Variants in PRKG1 observed in about 807,000 individuals in gnomAD.
PRKG1 encodes the protein cGMP-dependent protein kinase 1.
PRKG1 carries 35 observed loss-of-function variants against 88.1 expected under a neutral mutation model. That is an observed-to-expected ratio of 0.40 (90% confidence interval 0.30 to 0.53). The LOEUF (loss-of-function observed/expected upper bound fraction) is 0.53, where lower values mean the gene tolerates loss of function less well. PRKG1 is among the 20% of genes least tolerant of loss of function. The probability of loss-of-function intolerance (pLI) is 0.59; values close to 1 mark genes in which losing one functional copy is unlikely to be tolerated. For synonymous variants in PRKG1, 303 were observed against 292.5 expected (o/e 1.04, Z -0.37); for missense variants, 540 against 839.8 (o/e 0.64, Z 4.41).
At chr10:52,173,181 T>C (rs1838758020) in intron 9 of PRKG1, among the ~76,000 whole-genome samples, 1 of 152,220 alleles carries the variant, frequency 6.6e-6, no homozygotes, top group South Asian at 2.1e-4. Context: ...TTAAGTTATA[T>C]GTCCTCATAA....
intron 1 of PRKG1, among the ~76,000 whole-genome samples, chr10:51,147,669 ATAT>A (rs1210632950): frequency 3.3e-5 from 5 of 152,204 alleles, no homozygotes; most frequent in Non-Finnish European, 5.9e-5. Context: ...TAAAAGATAA[ATAT>A]TATTGTTCAC....
chr10:51,824,496 T>C (rs1324630650), intron 4 of PRKG1, among the ~76,000 whole-genome samples: 1 of 152,206 alleles, frequency 6.6e-6, no homozygotes, highest in Non-Finnish European at 1.5e-5. Context: ...AGTGGATTAA[T>C]GTCTAACACA....
chr10:52,108,645 T>TA (rs1847480627), intron 7 of PRKG1, among the ~76,000 whole-genome samples: 2 of 152,154 alleles, frequency 1.3e-5, no homozygotes, highest in Admixed American at 6.5e-5. Context: ...TTATTCTAAG[T>TA]AAAAAATCCT....
chr10:51,984,145 A>G (rs537967876), intron 5 of PRKG1, among the ~76,000 whole-genome samples: 3 of 152,208 alleles, frequency 2.0e-5, no homozygotes, highest in Non-Finnish European at 2.9e-5. Flanking sequence ...GAACCTAAAG[A>G]AAGAAAACTT....
At chr10:51,298,760 AG>A (rs1840791049) in intron 2 of PRKG1, among the ~76,000 whole-genome samples, 1 of 152,220 alleles carries the variant, frequency 6.6e-6, no homozygotes, top group South Asian at 2.1e-4. Context: ...GTGGGCTGAG[AG>A]TAAAATAAAT....
At chr10:52,057,162 G>A (rs1429543202) in intron 6 of PRKG1, among the ~76,000 whole-genome samples, 1 of 152,160 alleles carries the variant, frequency 6.6e-6, no homozygotes, top group Non-Finnish European at 1.5e-5. Context: ...CACAATAGGG[G>A]CTGCCAAGCT....
At chr10:52,267,574 T>C (rs1051088232) in intron 10 of PRKG1, among the ~76,000 whole-genome samples, 1 of 152,008 alleles carries the variant, frequency 6.6e-6, no homozygotes, top group Non-Finnish European at 1.5e-5. Flanking sequence ...GGAAAAATCA[T>C]TGTTAACGTA....
intron 4 of PRKG1, among the ~76,000 whole-genome samples, chr10:51,814,476 T>C (rs537427947): frequency 1.3e-5 from 2 of 152,298 alleles, no homozygotes; most frequent in South Asian, 2.1e-4. Context: ...ATGACAGACC[T>C]ATTGAGCTCT....
Position 51,697,013 on chromosome 10 carries a change from T to C in PRKG1, c.593-107572T>C, listed in dbSNP as rs533070489. The C allele has an allele frequency of 2.7e-3, 412 of 152,174 alleles. 2 individuals are homozygous for C. Among genetic ancestry groups the C allele is most frequent in the Non-Finnish European group, 4.3e-3 (292 of 68,026 alleles). 9.4% of individuals were successfully genotyped at this position (152,174 alleles called of 1,614,324 possible). ...CAGCAAAATCATCATGCTCAGATGC[T>C]TGGGGCCTGGCAGAACCTTGCTGGT... On this transcript the variant is annotated intron_variant, in intron 3 of 17. Transcript: ENST00000373980.
rs1564579518 is a variant in PRKG1, at chr10:51,627,923, TTC to T, written c.592+160088_592+160089del. 2.8e-3 allele frequency among the ~76,000 whole-genome samples: 107 copies of T among 38,132 alleles called. 1 individual carries two copies. Among genetic ancestry groups the T allele is most frequent in the African/African-American group, 5.5e-3 (97 of 17,540 alleles). 25.0% of individuals were successfully genotyped at this position (38,132 alleles called of 152,430 possible). A position where few individuals can be genotyped will look rare whatever the true frequency, so the allele number is the denominator to read the frequency against. The stretch of plus-strand genomic sequence containing the variant: ...CCTTCCCTTCCTTCCCTTCCTTCCC[TTC>T]CTTTCTTCCTTCCTTCCTTTCTTTC... On this transcript the variant is annotated intron_variant, in intron 3 of 17. Coordinates refer to ENST00000373980, the MANE Select transcript of PRKG1 (RefSeq NM_006258.4).
At chr10:51,859,128 G>T (rs1840800002) in intron 4 of PRKG1, among the ~76,000 whole-genome samples, 1 of 152,116 alleles carries the variant, frequency 6.6e-6, no homozygotes, top group South Asian at 2.1e-4. Context: ...AATGACCTAG[G>T]GTTGGTTTAA....
chr10:51,373,471 G>A (rs543545938), intron 2 of PRKG1, among the ~76,000 whole-genome samples: 186 of 152,178 alleles, frequency 1.2e-3, no homozygotes, highest in African/African-American at 4.1e-3. Context: ...GTACATGTGC[G>A]GGATGTGCAG....
chr10:51,802,537 T>A (rs1417275419), intron 3 of PRKG1, among the ~76,000 whole-genome samples: 1 of 152,162 alleles, frequency 6.6e-6, no homozygotes, highest in East Asian at 1.9e-4. Context: ...AATTATTTTG[T>A]GGGTTTTTGC....
intron 1 of PRKG1, among the ~76,000 whole-genome samples, chr10:51,079,846 G>A (rs765828893): frequency 1.3e-5 from 2 of 152,170 alleles, no homozygotes; most frequent in Admixed American, 6.5e-5. Context: ...GAAGCAAACA[G>A]CAGATGATTA....
intron 7 of PRKG1, among the ~76,000 whole-genome samples, chr10:52,103,774 G>C (rs72803136): frequency 0.016 from 2,387 of 151,850 alleles, 26 homozygotes; most frequent in Non-Finnish European, 0.025. Flanking sequence ...TTTTAATTAA[G>C]GAAGACTAAA....
chr10:52,078,673 T>G (rs2133299734), intron 7 of PRKG1, among the ~76,000 whole-genome samples: 1 of 152,368 alleles, frequency 6.6e-6, no homozygotes, highest in Admixed American at 6.5e-5. Flanking sequence ...CTGGATAAAT[T>G]ATTCTGTCAC....
chr10:51,572,548 G>A (rs1837783757), intron 3 of PRKG1, among the ~76,000 whole-genome samples: 1 of 151,806 alleles, frequency 6.6e-6, no homozygotes, highest in Non-Finnish European at 1.5e-5. Flanking sequence ...GCCACACAAT[G>A]GATTAATTCA....
chr10:51,747,285 G>T (rs1837605902), intron 3 of PRKG1, among the ~76,000 whole-genome samples: 1 of 152,164 alleles, frequency 6.6e-6, no homozygotes, highest in Non-Finnish European at 1.5e-5. Flanking sequence ...CACTTCTTTT[G>T]CTAAGGAACA....
At chr10:51,470,462 C>A (rs1448473048) in intron 3 of PRKG1, among the ~76,000 whole-genome samples, 1 of 151,892 alleles carries the variant, frequency 6.6e-6, no homozygotes, top group Non-Finnish European at 1.5e-5. Flanking sequence ...ACATCACCCA[C>A]TTTCCTTCAT....
Sources: allele counts gnomAD v4.1 joint callset (sites outside exome capture counted in the v4.1 genomes callset), GRCh38; gene constraint gnomAD v4.1.1; transcripts MANE v1.5; gene names NCBI Gene and HGNC (gene_info 2026-07-23, HGNC 2026-07-21).